Variants in DNM3 observed in about 807,000 individuals in gnomAD.
The protein encoded by DNM3 is dynamin 3.
DNM3 carries 47 observed loss-of-function variants against 101.6 expected under a neutral mutation model. The observed-to-expected ratio is 0.46, with a 90% CI of 0.37 to 0.59. DNM3 has a LOEUF of 0.59. Among genes scored for constraint, DNM3 ranks in the 20% least tolerant of loss-of-function variants. The pLI, the probability that DNM3 is intolerant of heterozygous loss-of-function variation, is 0.00. For synonymous variants in DNM3, 385 were observed against 387.9 expected (o/e 0.99, Z 0.09); for missense variants, 849 against 1,085.7 (o/e 0.78, Z 3.06).
chr1:171,945,188 C>A (rs2125429478), intron 2 of DNM3, among the ~76,000 whole-genome samples: 1 of 152,080 alleles, frequency 6.6e-6, no homozygotes, highest in African/African-American at 2.4e-5. Context: ...CGTTTTAATC[C>A]TCTATGAGAG....
chr1:171,983,493 C>T (rs964605303), intron 2 of DNM3, among the ~76,000 whole-genome samples: 11 of 151,848 alleles, frequency 7.2e-5, no homozygotes, highest in Admixed American at 1.3e-4. Flanking sequence ...GTTTGATGGA[C>T]GTCTCCTCTT....
At chr1:172,387,808 A>G (rs1050158625) in intron 19 of DNM3, among the ~76,000 whole-genome samples, 1 of 152,210 alleles carries the variant, frequency 6.6e-6, no homozygotes, top group African/African-American at 2.4e-5. Flanking sequence ...ATCAGATTAT[A>G]CTAACTCCCT....
intron 2 of DNM3, among the ~76,000 whole-genome samples, chr1:171,951,300 C>T (rs561165136): frequency 1.3e-5 from 2 of 152,272 alleles, no homozygotes; most frequent in African/African-American, 4.8e-5. Flanking sequence ...ATGCAAATCT[C>T]ATATTCTGAA....
chr1:172,356,232 C>T (rs928133697), intron 17 of DNM3, among the ~76,000 whole-genome samples: 1 of 152,008 alleles, frequency 6.6e-6, no homozygotes, highest in African/African-American at 2.4e-5. Flanking sequence ...GGAACATGGA[C>T]AAAGAAGTGG....
At chr1:172,023,655 T>C (rs1170830132) in intron 4 of DNM3, among the ~76,000 whole-genome samples, 1 of 152,134 alleles carries the variant, frequency 6.6e-6, no homozygotes, top group Non-Finnish European at 1.5e-5. Context: ...TGCATGTGTG[T>C]GTGTGCTCAT....
At chr1:171,953,394 G>A (rs2042652352) in intron 2 of DNM3, among the ~76,000 whole-genome samples, 1 of 150,686 alleles carries the variant, frequency 6.6e-6, no homozygotes. Context: ...ACTTAGGGAA[G>A]CATTTAGCAT....
chr1:171,961,102 A>C (rs1292203798), intron 2 of DNM3, among the ~76,000 whole-genome samples: 2 of 152,172 alleles, frequency 1.3e-5, no homozygotes, highest in African/African-American at 4.8e-5. Flanking sequence ...AGATGTTTCC[A>C]GACAGCGCTC....
intron 10 of DNM3, among the ~76,000 whole-genome samples, chr1:172,068,380 T>C (rs1212196663): frequency 6.6e-6 from 1 of 152,182 alleles, no homozygotes; most frequent in East Asian, 1.9e-4. Context: ...TAATTATATC[T>C]GTCTTTTCTG....
intron 16 of DNM3, among the ~76,000 whole-genome samples, chr1:172,318,564 A>G (rs1156912234): frequency 6.6e-6 from 1 of 152,208 alleles, no homozygotes; most frequent in Non-Finnish European, 1.5e-5. Context: ...TCAATGTACA[A>G]AAATCACAAG....
intron 8 of DNM3, 29 bp from the exon 9 acceptor site, chr1:172,044,356 C>T (rs370192265): frequency 6.3e-6 from 10 of 1,579,970 alleles, no homozygotes; most frequent in Non-Finnish European, 7.8e-6. Flanking sequence ...AATTAAGTGT[C>T]ATAACTATGG....
At chr1:171,998,327 GA>G (rs1479046695) in intron 4 of DNM3, among the ~76,000 whole-genome samples, 2 of 152,098 alleles carry the variant, frequency 1.3e-5, no homozygotes, top group Non-Finnish European at 2.9e-5. Context: ...GTGAATGCAG[GA>G]AAAACAATTG....
At chr1:172,068,218 C>T (rs1056952574) in intron 10 of DNM3, among the ~76,000 whole-genome samples, 3 of 152,052 alleles carry the variant, frequency 2.0e-5, no homozygotes, top group South Asian at 2.1e-4. Flanking sequence ...ATCCCAGCTA[C>T]TCGGGAGGCT....
chr1:171,962,515 A>G (rs7540660), intron 2 of DNM3, among the ~76,000 whole-genome samples: 98,783 of 151,938 alleles, frequency 0.65, 32,339 homozygotes, highest in African/African-American at 0.69. Flanking sequence ...TAAACAACAG[A>G]CATTTATTTC....
In DNM3 at chr1:171,977,474, A is replaced by G. The variant is rs1262797240; in HGVS notation, c.236-10182A>G. On this transcript the variant is annotated intron_variant, in intron 2 of 20. Coordinates refer to ENST00000627582, the MANE Select transcript of DNM3 (RefSeq NM_015569.5). ...CAAGGGGAGAAAAAAAGCATAAAAT[A>G]GCACATAAAACACTTTTTAAGTAAA... 3.3e-5 allele frequency among the ~76,000 whole-genome samples: 5 copies of G among 152,260 alleles called. No individual in the cohort carries two copies. The East Asian group carries it at 9.6e-4, about 29-fold the overall frequency.
At chr1:171,873,239 C>G (rs1439902912) in intron 1 of DNM3, among the ~76,000 whole-genome samples, 1 of 152,074 alleles carries the variant, frequency 6.6e-6, no homozygotes, top group East Asian at 1.9e-4. Context: ...TGAAGAGTTC[C>G]TTTAGTGGGT....
intron 1 of DNM3, among the ~76,000 whole-genome samples, chr1:171,859,937 A>G (rs2033999420): frequency 6.6e-6 from 1 of 152,168 alleles, no homozygotes; most frequent in African/African-American, 2.4e-5. Context: ...GAGGAACTTA[A>G]GGTAAGTCAG....
At chr1:172,301,616 TTAAG>T (rs1162198238) in intron 15 of DNM3, among the ~76,000 whole-genome samples, 5 of 152,316 alleles carry the variant, frequency 3.3e-5, no homozygotes, top group Non-Finnish European at 7.4e-5. Flanking sequence ...AAATAATTAT[TTAAG>T]TATTATTTAT....
At chr1:172,043,677 G>A (rs969584354) in intron 8 of DNM3, among the ~76,000 whole-genome samples, 6 of 152,062 alleles carry the variant, frequency 3.9e-5, no homozygotes, top group Admixed American at 2.0e-4. Context: ...CATCAGTTAT[G>A]GGTAGAGACC....
chr1:171,932,248 C>T (rs1042734026), intron 2 of DNM3, among the ~76,000 whole-genome samples: 4 of 151,344 alleles, frequency 2.6e-5, no homozygotes, highest in African/African-American at 9.7e-5. Context: ...CTAAAGTGAT[C>T]CTGCTGCCTC....
Sources: gnomAD v4.1 joint callset for allele counts (sites outside exome capture counted in the v4.1 genomes callset) on GRCh38, gnomAD v4.1.1 for gene constraint, MANE v1.5 for transcripts, NCBI Gene and HGNC (gene_info 2026-07-23, HGNC 2026-07-21) for gene names.